MTMR2: variants seen among roughly 807,000 people sequenced by gnomAD.
The protein encoded by MTMR2 is myotubularin related protein 2, also known as phosphatidylinositol-3,5-bisphosphate 3-phosphatase MTMR2.
MTMR2 carries 55 observed loss-of-function variants against 86.9 expected under a neutral mutation model. The observed-to-expected ratio is 0.63, with a 90% CI of 0.51 to 0.79. The LOEUF (loss-of-function observed/expected upper bound fraction) is 0.79. Ranked by LOEUF, MTMR2 falls within the 30% of genes least tolerant of loss-of-function variation. The probability of loss-of-function intolerance (pLI) is 0.00; values close to 1 mark genes in which losing one functional copy is unlikely to be tolerated. For synonymous variants in MTMR2, 241 were observed against 266.8 expected (o/e 0.90, Z 0.94); for missense variants, 659 against 772.3 (o/e 0.85, Z 1.74).
chr11:95,846,596 G>A (rs56062809), intron 10 of MTMR2, among the ~76,000 whole-genome samples: 11,326 of 152,160 alleles, frequency 0.074, 586 homozygotes, highest in African/African-American at 0.14. Context: ...AAGGATTGGG[G>A]GAGAATAAAG....
In MTMR2 at chr11:95,862,324, C is replaced by T. The variant is rs1864454618; in HGVS notation, c.305G>A (p.Arg102Gln). The T allele has an allele frequency of 4.3e-6, 7 of 1,614,052 alleles. No individual in the cohort carries two copies. Among genetic ancestry groups the T allele is most frequent in the South Asian group, 2.2e-5 (2 of 91,076 alleles). Residue 102 changes from arginine to glutamine, a missense_variant, in exon 4 of 15, where the codon CGA becomes CAA. Arg to Gln is a conservative substitution (Grantham distance 43). This residue lies in a region of MTMR2 where 387 missense variants were observed against 526.3 expected (regional missense o/e 0.74). Coordinates refer to ENST00000346299, the MANE Select transcript of MTMR2 (RefSeq NM_016156.6). ...ATAATTCGTGACAGTCAGAGTTCCT[C>T]GTACAGCGCCAGTGAATGGACATAT... is the stretch of plus-strand genomic sequence containing the variant. ...TYICPFTGAVRGTLTVTNYRL... is the reference protein window; with the variant it reads ...TYICPFTGAVQGTLTVTNYRL...
At chr11:95,885,792 G>A (rs1482678086) in intron 2 of MTMR2, among the ~76,000 whole-genome samples, 4 of 151,922 alleles carry the variant, frequency 2.6e-5, no homozygotes, top group Non-Finnish European at 4.4e-5. Flanking sequence ...TGGGGGAGGG[G>A]CTCAGGGAAT....
intron 1 of MTMR2, among the ~76,000 whole-genome samples, chr11:95,920,545 C>T (rs1009007033): frequency 6.7e-5 from 10 of 150,286 alleles, no homozygotes; most frequent in Admixed American, 2.0e-4. Flanking sequence ...AAACTACTAC[C>T]TGGATATCAT....
intron 1 of MTMR2, among the ~76,000 whole-genome samples, chr11:95,889,277 G>A (rs1187672116): frequency 6.6e-6 from 1 of 151,932 alleles, no homozygotes; most frequent in African/African-American, 2.4e-5. Context: ...GGGATTACAG[G>A]CACCTGCCCC....
intron 1 of MTMR2, chr11:95,923,597 G>C: frequency 1.7e-6 from 2 of 1,187,348 alleles, no homozygotes; most frequent in Non-Finnish European, 1.1e-6. Context: ...TGAAAGACAG[G>C]AGAAAGTAAT....
chr11:95,837,962 C>G, intron 13 of MTMR2, 132 bp downstream of exon 13: 1 of 688,362 alleles, frequency 1.5e-6, no homozygotes. Context: ...AGGAAGCCCT[C>G]AATATTATAG....
chr11:95,909,190 A>C (rs1866405499), intron 1 of MTMR2, among the ~76,000 whole-genome samples: 2 of 152,152 alleles, frequency 1.3e-5, no homozygotes, highest in African/African-American at 2.4e-5. Context: ...TGTAGCATTT[A>C]GGTGAACAAA....
chr11:95,884,893 A>G (rs1865461317), intron 2 of MTMR2, among the ~76,000 whole-genome samples: 1 of 152,098 alleles, frequency 6.6e-6, no homozygotes, highest in Non-Finnish European at 1.5e-5. Flanking sequence ...ACAACATACT[A>G]CTTTTCTTTT....
intron 2 of MTMR2, 82 bp downstream of exon 2, chr11:95,888,074 G>T: frequency 9.7e-7 from 1 of 1,035,602 alleles, no homozygotes; most frequent in Non-Finnish European, 1.5e-6. Context: ...AGTATCTCCT[G>T]CTAAATTAGT....
chr11:95,841,537 C>T, intron 12 of MTMR2, 80 bp downstream of exon 12: 2 of 974,596 alleles, frequency 2.1e-6, no homozygotes, highest in Middle Eastern at 2.1e-4. Context: ...GATCTATAGG[C>T]TAATCAGTGA....
chr11:95,867,776 A>T (rs1565362225), intron 2 of MTMR2, among the ~76,000 whole-genome samples: 1 of 151,466 alleles, frequency 6.6e-6, no homozygotes, highest in East Asian at 1.9e-4. Flanking sequence ...ATCTATCCTT[A>T]ATCAAACAGG....
intron 1 of MTMR2, among the ~76,000 whole-genome samples, chr11:95,898,334 AT>A (rs1865950553): frequency 6.6e-6 from 1 of 151,520 alleles, no homozygotes; most frequent in Non-Finnish European, 1.5e-5. Flanking sequence ...GCAGCATATT[AT>A]TTTGGTTATC....
Position 95,834,938 on chromosome 11 carries a change from G to A in MTMR2, c.*352C>T. 3.1e-6 allele frequency: 1 copy of A among 324,508 alleles called. No homozygotes were observed. The allele number at this position is 324,508 out of a possible 1,614,324, so 20.1% of individuals were successfully genotyped here. A position where few individuals can be genotyped will look rare whatever the true frequency, so the allele number is the denominator to read the frequency against. The stretch of plus-strand genomic sequence containing the variant: ...AAACTGATGTTCCTCTGCACAGTGA[G>A]CACAGAGTGTATTTCTAAAATGGTT... On this transcript the variant is annotated 3_prime_UTR_variant, in exon 15 of 15. Transcript: ENST00000346299.
chr11:95,863,387 C>A (rs908137791), intron 3 of MTMR2, among the ~76,000 whole-genome samples: 5 of 152,182 alleles, frequency 3.3e-5, no homozygotes, highest in African/African-American at 1.2e-4. Flanking sequence ...TGAAATGAGA[C>A]TGATCTTTTC....
chr11:95,888,185 A>C lies in MTMR2; in HGVS notation c.157T>G (p.Ser53Ala). 1 of 1,613,464 alleles carries C rather than the reference A, an allele frequency of 6.2e-7. No individual in the cohort carries two copies. The highest frequency in any genetic ancestry group is 2.2e-5 in the East Asian group (1 of 44,806). Residue 53 changes from serine (S) to alanine (A), a missense_variant, in exon 2 of 15, where the codon TCT becomes GCT. Physicochemically the swap from Ser to Ala is moderately conservative, Grantham distance 99. Transcript: ENST00000346299. ...SVVSSDSIST[S>A]ADNFSPDLRV... is the part of the protein sequence containing the mutation. ...AAATCAGGAGAAAAGTTGTCGGCAGAAGTTGAAATGGAATCTGATGATACA... is the reference window on the plus strand; with the variant it reads ...AAATCAGGAGAAAAGTTGTCGGCAGCAGTTGAAATGGAATCTGATGATACA...
intron 1 of MTMR2, among the ~76,000 whole-genome samples, chr11:95,903,897 G>C (rs563041944): frequency 6.6e-6 from 1 of 152,014 alleles, no homozygotes; most frequent in Non-Finnish European, 1.5e-5. Flanking sequence ...GGCGGATCAC[G>C]AGGTCAGGAG....
chr11:95,895,790 C>CA (rs1468776639), intron 1 of MTMR2, among the ~76,000 whole-genome samples: 5 of 151,894 alleles, frequency 3.3e-5, no homozygotes, highest in African/African-American at 4.8e-5. Context: ...TTTCCACACA[C>CA]AAAAAAACCC....
At chr11:95,847,633 G>A in intron 10 of MTMR2, 81 bp downstream of exon 10, 2 of 1,256,834 alleles carry the variant, frequency 1.6e-6, no homozygotes, top group Admixed American at 3.4e-5. Flanking sequence ...CCTTCATGTT[G>A]ATTGCAATTA....
In MTMR2 at chr11:95,835,166, AAAAT is replaced by A. The variant is rs1443122786; in HGVS notation, c.*120_*123del. ...TTCTAAACTCATCCTAGAGAGATTT[AAAAT>A]AAATAAAGTGACTGAACTTTCTCTC... On this transcript the variant is annotated 3_prime_UTR_variant, in exon 15 of 15. Transcript: ENST00000346299. The A allele has an allele frequency of 3.2e-5, 34 of 1,048,566 alleles. No homozygotes were observed. Among genetic ancestry groups the A allele is most frequent in the African/African-American group, 1.4e-4 (9 of 63,052 alleles). The allele number at this position is 1,048,566 out of a possible 1,614,324, so 65.0% of individuals were successfully genotyped here. A position where few individuals can be genotyped will look rare whatever the true frequency, so the allele number is the denominator to read the frequency against.
Sources: gnomAD v4.1 joint callset for allele counts (sites outside exome capture counted in the v4.1 genomes callset) on GRCh38, gnomAD v4.1.1 for gene constraint, gnomAD v4.1.1 regional missense constraint, MANE v1.5 for transcripts, NCBI Gene and HGNC (gene_info 2026-07-23, HGNC 2026-07-21) for gene names.